The following PCDH11Y variants were observed in gnomAD, a reference collection of about 807,000 sequenced individuals.
PCDH11Y encodes protocadherin-11 Y-linked.
For synonymous variants in PCDH11Y, 9 were observed against 83.6 expected, an observed-to-expected ratio of 0.11 and a Z score of 4.87; for missense variants, 12 against 224.8, an observed-to-expected ratio of 0.05 and a Z score of 6.05.
At chrY:5,108,608 G>A (rs1484463140), downstream of PCDH11Y, among the ~76,000 whole-genome samples, 100 of 30,450 alleles carry the variant, frequency 3.3e-3, no homozygotes, top group Admixed American at 2.8e-3. Context: ...TTAGCCGGGC[G>A]TGGTGGCGGG....
At chrY:5,153,682 G>A in intron 2 of PCDH11Y, among the ~76,000 whole-genome samples, 1 of 30,780 alleles carries the variant, frequency 3.2e-5, no homozygotes, top group African/African-American at 1.3e-4. Context: ...GTTCTAAAAC[G>A]TAGACTATTC....
intron 3 of PCDH11Y, among the ~76,000 whole-genome samples, chrY:5,519,689 C>T (rs2053378217): frequency 3.1e-5 from 1 of 31,839 alleles, no homozygotes; most frequent in Admixed American, 3.0e-4. Context: ...TTAGCTAAAA[C>T]AGACAATGCT....
chrY:5,523,239 A>G, intron 3 of PCDH11Y, among the ~76,000 whole-genome samples: 2 of 33,418 alleles, frequency 6.0e-5, no homozygotes, highest in Non-Finnish European at 1.5e-4. Flanking sequence ...TTATAAGCCT[A>G]TTTTTTTAGC....
chrY:5,713,505 T>C (rs2124713238), intron 4 of PCDH11Y, among the ~76,000 whole-genome samples: 3 of 32,067 alleles, frequency 9.4e-5, no homozygotes, highest in African/African-American at 3.6e-4. Context: ...AAATGTGTTA[T>C]TGGTGTGTGT....
intron 2 of PCDH11Y, among the ~76,000 whole-genome samples, chrY:5,326,509 A>G: frequency 3.0e-5 from 1 of 32,962 alleles, no homozygotes; most frequent in South Asian, 7.0e-4. Context: ...CTTTGCTGGT[A>G]TGTGGCGATT....
intron 2 of PCDH11Y, among the ~76,000 whole-genome samples, chrY:5,248,508 CT>C (rs2052999832): frequency 3.6e-5 from 1 of 27,909 alleles, no homozygotes; most frequent in African/African-American, 1.4e-4. Flanking sequence ...CAGAAAAGGC[CT>C]TTGATAAAAT....
At chrY:5,257,190 C>G (rs1602894668) in intron 2 of PCDH11Y, among the ~76,000 whole-genome samples, 188 of 32,550 alleles carry the variant, frequency 5.8e-3, no homozygotes, top group Non-Finnish European at 0.01. Context: ...TTGTATATGC[C>G]TTTTATTATA....
intron 2 of PCDH11Y, among the ~76,000 whole-genome samples, chrY:5,263,658 G>T (rs377556583): frequency 3.0e-5 from 1 of 33,628 alleles, no homozygotes; most frequent in Non-Finnish European, 7.4e-5. Context: ...CACTGCCTTC[G>T]TGGTCTTGTA....
intron 4 of PCDH11Y, among the ~76,000 whole-genome samples, chrY:5,593,811 C>T: frequency 3.1e-5 from 1 of 32,067 alleles, no homozygotes; most frequent in Non-Finnish European, 7.6e-5. Flanking sequence ...TTCTATACTA[C>T]GTGCTGTAAC....
intron 4 of PCDH11Y, among the ~76,000 whole-genome samples, chrY:5,672,347 A>G: frequency 3.2e-5 from 1 of 31,312 alleles, no homozygotes; most frequent in African/African-American, 1.2e-4. Flanking sequence ...TAGCATCCTT[A>G]TTAGCTTTTC....
downstream of PCDH11Y, among the ~76,000 whole-genome samples, chrY:5,108,080 A>C (rs2052796393): frequency 3.2e-5 from 1 of 30,877 alleles, no homozygotes; most frequent in Non-Finnish European, 7.8e-5. Flanking sequence ...AAAAACAAAA[A>C]AAAACTAGTC....
Position 5,615,966 on chromosome Y carries a change from A to G in PCDH11Y, c.3352+34168A>G, listed in dbSNP as rs1389686602. On this transcript the variant is annotated intron_variant, in intron 4 of 4. Transcript: ENST00000400457. ...TCACTATGAGTCCCTAAAATGTTAT[A>G]CCGCAGGTATGTTAAGTAACTAACT... is the stretch of plus-strand genomic sequence containing the variant. 2.4e-4 allele frequency among the ~76,000 whole-genome samples: 8 copies of G among 33,871 alleles called. No homozygotes were observed. In the East Asian group the frequency reaches 6.3e-3, roughly 27 times the overall value. The allele number at this position is 33,871 out of a possible 37,273, so 90.9% of individuals were successfully genotyped here.
At chrY:5,482,681 C>T (rs878879791) in intron 2 of PCDH11Y, among the ~76,000 whole-genome samples, 1 of 32,875 alleles carries the variant, frequency 3.0e-5, no homozygotes, top group Non-Finnish European at 7.5e-5. Context: ...ATTTAGTTCC[C>T]GGTTATTCAT....
Position 5,193,864 on chromosome Y carries a change from G to T in PCDH11Y, c.3129+93157G>T, listed in dbSNP as rs376870470. Reference sequence around the variant, plus strand: ...GTTAAAAAGTGATTACCTCAGAAAGGGTGGCTTAATTATATGAGCATTTGC... The same window carrying T: ...GTTAAAAAGTGATTACCTCAGAAAGTGTGGCTTAATTATATGAGCATTTGC... On this transcript the variant is annotated intron_variant, in intron 2 of 4. Coordinates refer to the PCDH11Y transcript ENST00000400457. 4.6e-3 allele frequency among the ~76,000 whole-genome samples: 149 copies of T among 32,412 alleles called. No individual in the cohort carries two copies. In the South Asian group the frequency reaches 0.072, roughly 16 times the overall value. 87.0% of individuals were successfully genotyped at this position (32,412 alleles called of 37,273 possible).
At chrY:5,384,900 A>G in intron 2 of PCDH11Y, among the ~76,000 whole-genome samples, 1 of 25,833 alleles carries the variant, frequency 3.9e-5, no homozygotes, top group African/African-American at 1.5e-4. Flanking sequence ...CCTGTTTTCA[A>G]AAAAAAAAGG....
At chrY:5,045,651 G>A in intron 3 of PCDH11Y, among the ~76,000 whole-genome samples, 2 of 32,768 alleles carry the variant, frequency 6.1e-5, no homozygotes, top group Non-Finnish European at 1.5e-4. Context: ...GAATTTGAAT[G>A]TTGGCCTACC....
intron 4 of PCDH11Y, among the ~76,000 whole-genome samples, chrY:5,630,226 C>G: frequency 3.0e-5 from 1 of 33,497 alleles, no homozygotes; most frequent in Non-Finnish European, 7.4e-5. Context: ...AAAAGGATGG[C>G]CTGTAGAAAT....
chrY:5,009,116 T>G (rs2124617780), intron 1 of PCDH11Y, among the ~76,000 whole-genome samples: 1 of 33,706 alleles, frequency 3.0e-5, no homozygotes, highest in East Asian at 7.9e-4. Flanking sequence ...ACTTGTTCCC[T>G]GCTTTCCAAC....
chrY:5,614,611 T>G, intron 4 of PCDH11Y, among the ~76,000 whole-genome samples: 1 of 32,040 alleles, frequency 3.1e-5, no homozygotes, highest in African/African-American at 1.3e-4. Context: ...GTCAATTTTT[T>G]TTTGTAATGC....
Sources: allele counts gnomAD v4.1 joint callset (sites outside exome capture counted in the v4.1 genomes callset), GRCh38; gene constraint gnomAD v4.1.1; transcripts MANE v1.5; gene names NCBI Gene and HGNC (gene_info 2026-07-23, HGNC 2026-07-21).